LRCH3: variants seen among roughly 807,000 people sequenced by gnomAD.
The protein encoded by LRCH3 is leucine rich repeats and calponin homology domain containing 3.
A neutral mutation model predicts 104.5 loss-of-function variants in LRCH3; 68 were observed. That is an observed-to-expected ratio of 0.65 (90% CI 0.54 to 0.80). LRCH3 has a LOEUF of 0.80. Among genes scored for constraint, LRCH3 ranks in the 30% least tolerant of loss-of-function variants. The pLI, the probability that LRCH3 is intolerant of heterozygous loss-of-function variation, is 0.00. For synonymous variants in LRCH3, 344 were observed against 361.3 expected (o/e 0.95, Z 0.54); for missense variants, 951 against 953.9 (o/e 1.00, Z 0.04).
intron 20 of LRCH3, chr3:197,880,960 C>T: frequency 7.3e-7 from 1 of 1,372,178 alleles, no homozygotes; most frequent in Non-Finnish European, 9.4e-7. Flanking sequence ...GTCCATTCTC[C>T]TGGCCTGTGG....
intron 1 of LRCH3, among the ~76,000 whole-genome samples, chr3:197,812,815 G>C (rs1733337148): frequency 6.6e-6 from 1 of 152,028 alleles, no homozygotes; most frequent in South Asian, 2.1e-4. Flanking sequence ...ACCCACCTCG[G>C]CCTGTCAAAG....
At position 197,839,353 on chromosome 3, in the gene LRCH3, G is replaced by A. The variant is rs964540120; in HGVS notation, c.1284G>A (p.Glu428=). 1 of 1,594,060 alleles carries A rather than the reference G, an allele frequency of 6.3e-7. No individual in the cohort carries two copies. Among genetic ancestry groups the A allele is most frequent in the African/African-American group, 1.4e-5 (1 of 73,752 alleles). Residue 428 remains glutamate, a synonymous_variant, in exon 10 of 21, where the codon GAG becomes GAA. Coordinates refer to ENST00000425562, the MANE Select transcript of LRCH3 (RefSeq NM_001365715.1). ...GSPVKPVAIR[E]FQKTEDMRRY... is the part of the protein sequence containing the mutation. Reference sequence around the variant, plus strand: ...CAGTAAAGCCAGTAGCCATTAGGGAGTTTCAAAAAACAGAAGATATGAGAA... The same window carrying A: ...CAGTAAAGCCAGTAGCCATTAGGGAATTTCAAAAAACAGAAGATATGAGAA...
intron 1 of LRCH3, among the ~76,000 whole-genome samples, chr3:197,804,855 T>C (rs1732292112): frequency 6.6e-6 from 1 of 152,166 alleles, no homozygotes; most frequent in South Asian, 2.1e-4. Flanking sequence ...ACATTTCCAA[T>C]AGAATCTATC....
chr3:197,863,926 A>G (rs991192492), intron 15 of LRCH3, among the ~76,000 whole-genome samples: 4 of 152,232 alleles, frequency 2.6e-5, no homozygotes, highest in Non-Finnish European at 2.9e-5. Flanking sequence ...TCTTTCTCAT[A>G]TATTTCCCAG....
intron 8 of LRCH3, among the ~76,000 whole-genome samples, chr3:197,834,771 A>G (rs1736456030): frequency 6.6e-6 from 1 of 152,224 alleles, no homozygotes; most frequent in Non-Finnish European, 1.5e-5. Context: ...AATAATTATC[A>G]TCAATTGCTA....
At chr3:197,878,920 T>C (rs912627277) in intron 20 of LRCH3, among the ~76,000 whole-genome samples, 10 of 152,202 alleles carry the variant, frequency 6.6e-5, no homozygotes, top group Non-Finnish European at 7.4e-5. Context: ...AAAACAATAT[T>C]ACAAATATTT....
chr3:197,796,006 T>C (rs1187131839), intron 1 of LRCH3, among the ~76,000 whole-genome samples: 1 of 151,998 alleles, frequency 6.6e-6, no homozygotes, highest in Non-Finnish European at 1.5e-5. Context: ...TTTTTGATGA[T>C]AAAAAGGTCC....
At chr3:197,831,081 A>G in intron 7 of LRCH3, 1 of 432,742 alleles carries the variant, frequency 2.3e-6, no homozygotes, top group Non-Finnish European at 4.2e-6. Flanking sequence ...TCATTGCCTC[A>G]TGGAAATAGT....
At chr3:197,826,208 T>C (rs1378430635) in intron 4 of LRCH3, among the ~76,000 whole-genome samples, 1 of 152,234 alleles carries the variant, frequency 6.6e-6, no homozygotes, top group Non-Finnish European at 1.5e-5. Flanking sequence ...TATCATTATA[T>C]AAAGGCCTTT....
At chr3:197,880,593 G>T in intron 20 of LRCH3, 1 of 1,536,610 alleles carries the variant, frequency 6.5e-7, no homozygotes, top group Non-Finnish European at 8.7e-7. Context: ...TTCTCTTGGG[G>T]CACACTCAGA....
chr3:197,881,798 A>G (rs1713795242), intron 20 of LRCH3: 1 of 985,352 alleles, frequency 1.0e-6, no homozygotes, highest in Non-Finnish European at 1.2e-6. Context: ...TGTGAGGAGC[A>G]TAATATCCGG....
chr3:197,821,970 G>A (rs931470872), intron 4 of LRCH3, among the ~76,000 whole-genome samples: 12 of 152,162 alleles, frequency 7.9e-5, no homozygotes, highest in African/African-American at 2.9e-4. Context: ...CACTGCACCT[G>A]GCCACAATAC....
Position 197,835,751 on chromosome 3 carries a change from A to G in LRCH3, c.1180A>G (p.Lys394Glu), listed in dbSNP as rs770834505. The change falls in exon 9 of 21, where the codon AAG becomes GAG. Residue 394 changes from lysine (K) to glutamate (E), a missense_variant. By Grantham distance (56) the Lys-to-Glu change is moderately conservative (BLOSUM62 1). Coordinates refer to ENST00000425562, the MANE Select transcript of LRCH3 (RefSeq NM_001365715.1). ...EEEEAEVRQP[K>E]GPDPDSLSSQ... is the part of the protein sequence containing the mutation. ...AGAGGAGGCCGAGGTGAGACAGCCC[A>G]AGGGACCAGACCCAGACAGCCTTAG... 6.2e-7 allele frequency: 1 copy of G among 1,614,116 alleles called. No individual in the cohort carries two copies. The highest frequency in any genetic ancestry group is 1.1e-5 in the South Asian group (1 of 91,074).
intron 12 of LRCH3, chr3:197,850,919 C>T (rs1739503042): frequency 3.6e-6 from 3 of 828,748 alleles, no homozygotes; most frequent in South Asian, 1.3e-5. Context: ...TGCATGATTT[C>T]GTGGGGTTCT....
chr3:197,805,723 C>G (rs937154030), intron 1 of LRCH3, among the ~76,000 whole-genome samples: 7 of 151,436 alleles, frequency 4.6e-5, no homozygotes, highest in Non-Finnish European at 1.0e-4. Flanking sequence ...ATGGTAAGAT[C>G]TCTAGGCATC....
At chr3:197,834,082 A>G (rs1054724297) in intron 8 of LRCH3, among the ~76,000 whole-genome samples, 2 of 152,232 alleles carry the variant, frequency 1.3e-5, no homozygotes, top group Non-Finnish European at 2.9e-5. Flanking sequence ...GGCTTCCCCA[A>G]GTTCACTGTT....
At chr3:197,838,586 C>T (rs1737277426) in intron 9 of LRCH3, among the ~76,000 whole-genome samples, 1 of 152,038 alleles carries the variant, frequency 6.6e-6, no homozygotes, top group Non-Finnish European at 1.5e-5. Context: ...GATTGTATTG[C>T]TTCTATAGGT....
chr3:197,824,686 C>G (rs1398893115), intron 4 of LRCH3, among the ~76,000 whole-genome samples: 2 of 150,982 alleles, frequency 1.3e-5, no homozygotes, highest in African/African-American at 4.9e-5. Context: ...GATTCTCTGC[C>G]TCAGCCTCCC....
At chr3:197,825,677 C>A (rs954774519) in intron 4 of LRCH3, among the ~76,000 whole-genome samples, 6 of 151,486 alleles carry the variant, frequency 4.0e-5, no homozygotes, top group African/African-American at 1.5e-4. Context: ...GACGGGGTCT[C>A]ACCGTGTTAG....
Sources: allele counts gnomAD v4.1 joint callset (sites outside exome capture counted in the v4.1 genomes callset), GRCh38; gene constraint gnomAD v4.1.1; transcripts MANE v1.5; gene names NCBI Gene and HGNC (gene_info 2026-07-23, HGNC 2026-07-21).